Variants in SNX30 observed in about 807,000 individuals in gnomAD.
SNX30 encodes sorting nexin-30.
Under a neutral mutation model 46.4 loss-of-function variants are expected in SNX30, and 24 were observed. The ratio of observed to expected loss-of-function variants is 0.52; its 90% CI spans 0.37 to 0.73. SNX30 has a LOEUF of 0.73. SNX30 is among the 30% of genes least tolerant of loss of function. The probability of loss-of-function intolerance (pLI) is 0.00; values close to 1 mark genes in which losing one functional copy is unlikely to be tolerated. For synonymous variants in SNX30, 189 were observed against 211.5 expected, an observed-to-expected ratio of 0.89 and a Z score of 0.92; for missense variants, 533 against 555.7, an observed-to-expected ratio of 0.96 and a Z score of 0.41.
chr9:112,785,195 T>C (rs1042849300), intron 1 of SNX30, among the ~76,000 whole-genome samples: 7 of 152,166 alleles, frequency 4.6e-5, no homozygotes, highest in Non-Finnish European at 8.8e-5. Context: ...ACAACACATT[T>C]AACTGTATCT....
intron 1 of SNX30, among the ~76,000 whole-genome samples, chr9:112,790,000 G>C (rs574085365): frequency 9.1e-4 from 138 of 152,246 alleles, no homozygotes; most frequent in African/African-American, 2.8e-3. Context: ...AACTGTTCAG[G>C]GGGGATACTA....
In SNX30 at chr9:112,768,660, T is replaced by C. The variant is rs1419840739; in HGVS notation, c.156+17503T>C. 1.4e-4 allele frequency among the ~76,000 whole-genome samples: 19 copies of C among 140,700 alleles called. 1 individual carries two copies. Among genetic ancestry groups the C allele is most frequent in the Admixed American group, 3.6e-4 (5 of 13,938 alleles). 92.3% of individuals were successfully genotyped at this position (140,700 alleles called of 152,430 possible). ...TAATTCTTTCTTCTTTTTTTTTTTT[T>C]TTTTTTTTTTTTTTTGAGACGGTCT... On this transcript the variant is annotated intron_variant, in intron 1 of 8. Coordinates refer to ENST00000374232, the MANE Select transcript of SNX30 (RefSeq NM_001012994.2).
chr9:112,757,535 TCA>T (rs1839369899), intron 1 of SNX30, among the ~76,000 whole-genome samples: 1 of 152,234 alleles, frequency 6.6e-6, no homozygotes, highest in Non-Finnish European at 1.5e-5. Context: ...GATTGCTGGG[TCA>T]TATGGTGGTT....
chr9:112,860,362 A>C (rs914781336), intron 7 of SNX30, among the ~76,000 whole-genome samples: 4 of 151,986 alleles, frequency 2.6e-5, no homozygotes, highest in Admixed American at 2.6e-4. Context: ...TTGTTATCTC[A>C]CCCCGCTTTG....
chr9:112,795,796 C>CACACACACAT (rs71491062), intron 1 of SNX30, among the ~76,000 whole-genome samples: 1 of 150,946 alleles, frequency 6.6e-6, no homozygotes, highest in Admixed American at 6.6e-5. Flanking sequence ...CACACACACA[C>CACACACACAT]GCACACATGA....
intron 1 of SNX30, among the ~76,000 whole-genome samples, chr9:112,763,719 C>T (rs918605411): frequency 6.6e-6 from 1 of 151,762 alleles, no homozygotes. Context: ...CATGGCGGCG[C>T]GTGCCTGTAA....
At chr9:112,763,369 T>TC (rs1472756615) in intron 1 of SNX30, among the ~76,000 whole-genome samples, 4 of 124,884 alleles carry the variant, frequency 3.2e-5, no homozygotes, top group Non-Finnish European at 5.1e-5. Flanking sequence ...ACTTTTTTTT[T>TC]TTTTTTTTTT....
intron 1 of SNX30, among the ~76,000 whole-genome samples, chr9:112,756,435 CTTTTTTTTTTTT>C (rs61338659): frequency 1.3e-4 from 9 of 67,428 alleles, no homozygotes; most frequent in East Asian, 1.2e-3. Context: ...TGTAATCATC[CTTTTTTTTTTTT>C]TTTTTTTTTT....
At chr9:112,827,114 C>G (rs562767848) in intron 3 of SNX30, among the ~76,000 whole-genome samples, 175 of 152,306 alleles carry the variant, frequency 1.1e-3, no homozygotes, top group Non-Finnish European at 2.2e-3. Context: ...TTCTTAACAT[C>G]TTCTCTGAAT....
intron 3 of SNX30, among the ~76,000 whole-genome samples, chr9:112,820,047 C>T (rs1588127158): frequency 6.6e-6 from 1 of 152,260 alleles, no homozygotes. Flanking sequence ...ATACTGGAAG[C>T]GCAAAGGTAA....
intron 1 of SNX30, among the ~76,000 whole-genome samples, chr9:112,763,168 G>GTA (rs1263830413): frequency 1.3e-5 from 2 of 150,372 alleles, no homozygotes; most frequent in Non-Finnish European, 3.0e-5. Context: ...GTTTATATAT[G>GTA]TATATATATA....
At position 112,772,731 on chromosome 9, in the gene SNX30, G is replaced by T. The variant is rs556246369; in HGVS notation, c.156+21574G>T. Among the ~76,000 whole-genome samples, 24 of 152,280 alleles carry T rather than the reference G, an allele frequency of 1.6e-4. No individual in the cohort carries two copies. In the South Asian group the frequency reaches 5.0e-3, roughly 32 times the overall value. ...GCAGTATCCCAAGATCGTAAGTTAT[G>T]AAAGCAATGTTTGCATTTCACATAA... On this transcript the variant is annotated intron_variant, in intron 1 of 8. Coordinates refer to ENST00000374232, the MANE Select transcript of SNX30 (RefSeq NM_001012994.2).
At chr9:112,865,285 A>T (rs1344765482) in intron 8 of SNX30, among the ~76,000 whole-genome samples, 2 of 151,898 alleles carry the variant, frequency 1.3e-5, no homozygotes, top group Admixed American at 6.5e-5. Context: ...ATCAGGCTAC[A>T]GCCCAGTCCC....
chr9:112,796,464 A>C (rs1840108691), intron 1 of SNX30, among the ~76,000 whole-genome samples: 1 of 152,182 alleles, frequency 6.6e-6, no homozygotes, highest in Non-Finnish European at 1.5e-5. Flanking sequence ...TTGAAAAGGC[A>C]GTCCCATCAG....
chr9:112,779,949 A>G (rs1223343589), intron 1 of SNX30, among the ~76,000 whole-genome samples: 1 of 152,160 alleles, frequency 6.6e-6, no homozygotes, highest in Non-Finnish European at 1.5e-5. Flanking sequence ...TACCCCACCA[A>G]TGCTTTTGAC....
In SNX30 at chr9:112,804,900, T is replaced by G; in HGVS notation, c.281T>G (p.Ile94Arg). Residue 94 changes from isoleucine to arginine, a missense_variant, in exon 2 of 9, where the codon ATA (isoleucine) becomes AGA (arginine). Around this residue, in one of 3 missense-constraint regions of SNX30, gnomAD observed 191 missense variants for 160.3 expected, o/e 1.19. Coordinates refer to ENST00000374232, the MANE Select transcript of SNX30 (RefSeq NM_001012994.2). ...IDGETRDLFV[I>R]VDDPKKHVCT... ...GGTGAGACTAGAGATCTCTTCGTTA[T>G]AGTTGATGATCCCAAGAAGCATGTG... 6.2e-7 allele frequency: 1 copy of G among 1,613,954 alleles called. No individual in the cohort carries two copies. The highest frequency in any genetic ancestry group is 8.5e-7 in the Non-Finnish European group (1 of 1,179,898).
At chr9:112,830,070 A>C (rs1389201258) in intron 3 of SNX30, among the ~76,000 whole-genome samples, 2 of 152,246 alleles carry the variant, frequency 1.3e-5, no homozygotes. Flanking sequence ...AAACAGATTA[A>C]AAGCTCAAAG....
chr9:112,782,785 C>A (rs767235103), intron 1 of SNX30, among the ~76,000 whole-genome samples: 9 of 152,228 alleles, frequency 5.9e-5, no homozygotes, highest in Non-Finnish European at 1.0e-4. Context: ...AGATGAGATT[C>A]CCCTTAACCT....
At chr9:112,762,801 C>T (rs866543815) in intron 1 of SNX30, among the ~76,000 whole-genome samples, 1 of 152,208 alleles carries the variant, frequency 6.6e-6, no homozygotes, top group South Asian at 2.1e-4. Flanking sequence ...GCAGAGGCGA[C>T]GTTACCAAGC....
Sources: gnomAD v4.1 joint callset for allele counts (sites outside exome capture counted in the v4.1 genomes callset) on GRCh38, gnomAD v4.1.1 for gene constraint, gnomAD v4.1.1 regional missense constraint, MANE v1.5 for transcripts, NCBI Gene and HGNC (gene_info 2026-07-23, HGNC 2026-07-21) for gene names.